Variants in RB1CC1 observed in about 807,000 individuals in gnomAD.
RB1CC1 encodes the protein RB1 inducible coiled-coil 1, also known as RB1-inducible coiled-coil protein 1.
In RB1CC1, 46 loss-of-function variants were observed where a neutral mutation model predicts 177.5. That is an observed-to-expected ratio of 0.26 (90% confidence interval 0.20 to 0.33). RB1CC1 has a LOEUF of 0.33. Among genes scored for constraint, RB1CC1 ranks in the 10% least tolerant of loss-of-function variants. The pLI is 1.00. For synonymous variants in RB1CC1, 666 were observed against 613.6 expected (o/e 1.09, Z -1.26); for missense variants, 1,703 against 1,816.3 (o/e 0.94, Z 1.13).
At chr8:52,679,264 T>C (rs1206040907) in intron 5 of RB1CC1, among the ~76,000 whole-genome samples, 1 of 152,154 alleles carries the variant, frequency 6.6e-6, no homozygotes, top group Non-Finnish European at 1.5e-5. Flanking sequence ...ACAGGGAAAT[T>C]TCTTGTAGGC....
At position 52,661,686 on chromosome 8, in the gene RB1CC1, A is replaced by G. The variant is rs1443918138; in HGVS notation, c.1207T>C (p.Leu403=). The change falls in exon 9 of 24, where the codon TTA becomes CTA. Residue 403 remains leucine, a synonymous_variant. Transcript: ENST00000025008. The stretch of plus-strand genomic sequence containing the variant: ...TCAGGTAATACAGATGCATCCTTTA[A>G]GTTTTCAGCTCTCTTCTGATTAGCT... ...FLANQKRAEN[L]KDASVLPDLC... 4 of 1,600,072 alleles carry G rather than the reference A, an allele frequency of 2.5e-6. No homozygotes were observed. The highest frequency in any genetic ancestry group is 2.3e-5 in the South Asian group (2 of 88,046).
chr8:52,659,610 T>A (rs564648424), intron 12 of RB1CC1, among the ~76,000 whole-genome samples: 64 of 152,234 alleles, frequency 4.2e-4, no homozygotes, highest in African/African-American at 1.5e-3. Context: ...CTCGGATAAA[T>A]AAGTATGGGA....
At chr8:52,688,479 G>A (rs767314493) in intron 1 of RB1CC1, among the ~76,000 whole-genome samples, 9 of 152,278 alleles carry the variant, frequency 5.9e-5, no homozygotes, top group Admixed American at 2.0e-4. Flanking sequence ...GGCTTACTAC[G>A]GTGGTGGGGA....
chr8:52,642,910 G>C, intron 16 of RB1CC1, 98 bp from the exon 17 acceptor site: 1 of 1,258,736 alleles, frequency 7.9e-7, no homozygotes, highest in Non-Finnish European at 1.0e-6. Context: ...TGGCACATTT[G>C]TACATGGAGA....
chr8:52,656,195 G>A lies in RB1CC1; in HGVS notation c.3634C>T (p.Leu1212Phe). ...EEKYEAIIQN[L>F]EKDRQKLVSS... ...ACCAATTTTTGTCTGTCTTTCTCAA[G>A]GTTCTGGATAATAGCTTCGTATTTC... The change falls in exon 15 of 24, where the codon CTT becomes TTT. Residue 1212 changes from leucine to phenylalanine, a missense_variant. Around this residue, in one of 6 missense-constraint regions of RB1CC1, gnomAD observed 1,169 missense variants for 1,184.7 expected, o/e 0.99. Coordinates refer to ENST00000025008, the MANE Select transcript of RB1CC1 (RefSeq NM_014781.5). 6.2e-7 allele frequency: 1 copy of A among 1,613,552 alleles called. No homozygotes were observed. The highest frequency in any genetic ancestry group is 8.5e-7 in the Non-Finnish European group (1 of 1,179,820).
At chr8:52,669,438 C>T (rs578216294) in intron 7 of RB1CC1, among the ~76,000 whole-genome samples, 4 of 152,188 alleles carry the variant, frequency 2.6e-5, no homozygotes, top group African/African-American at 7.2e-5. Flanking sequence ...TCTCTACAGT[C>T]GGAAAAAACT....
intron 18 of RB1CC1, among the ~76,000 whole-genome samples, chr8:52,640,285 C>T (rs1178215510): frequency 6.6e-6 from 1 of 152,044 alleles, no homozygotes; most frequent in Non-Finnish European, 1.5e-5. Context: ...GGTTGGTCAA[C>T]GGGTACAAAG....
At position 52,661,548 on chromosome 8, in the gene RB1CC1, G is replaced by A. The variant is rs1437962137; in HGVS notation, c.1345C>T (p.His449Tyr). The change falls in exon 9 of 24, where the codon CAT (histidine) becomes TAT (tyrosine). Residue 449 changes from histidine to tyrosine, a missense_variant. His to Tyr is a moderately conservative substitution (Grantham distance 83). Coordinates refer to ENST00000025008, the MANE Select transcript of RB1CC1 (RefSeq NM_014781.5). The stretch of plus-strand genomic sequence containing the variant: ...TGAATCACTTACTTCAGTCTGACAT[G>A]TAGGTTATTTGCTAGTTCTTGTTTG... ...TAKQELANNL[H>Y]VRLKWCCFVM... The A allele has an allele frequency of 6.2e-7, 1 of 1,604,578 alleles. No individual in the cohort carries two copies. Among genetic ancestry groups the A allele is most frequent in the Admixed American group, 1.7e-5 (1 of 58,250 alleles).
intron 1 of RB1CC1, among the ~76,000 whole-genome samples, chr8:52,708,420 G>C (rs1267556619): frequency 6.6e-6 from 1 of 152,170 alleles, no homozygotes. Context: ...GGGAGGCTGA[G>C]GTGGGAGAAT....
At chr8:52,652,008 A>T (rs965851761) in intron 15 of RB1CC1, among the ~76,000 whole-genome samples, 1 of 152,224 alleles carries the variant, frequency 6.6e-6, no homozygotes, top group Admixed American at 6.5e-5. Flanking sequence ...GAATATCGAC[A>T]ATCATCTGAA....
chr8:52,693,517 A>G (rs745522221), intron 1 of RB1CC1, among the ~76,000 whole-genome samples: 14 of 152,268 alleles, frequency 9.2e-5, no homozygotes, highest in Non-Finnish European at 1.9e-4. Context: ...CCATAATGAT[A>G]TATCATCTTA....
chr8:52,704,469 A>C (rs530845924), intron 1 of RB1CC1, among the ~76,000 whole-genome samples: 3 of 119,064 alleles, frequency 2.5e-5, no homozygotes, highest in African/African-American at 5.8e-5. Flanking sequence ...AAAAAAAAAA[A>C]AAAAACACAA....
At chr8:52,639,124 TTGAG>T (rs142881436) in intron 18 of RB1CC1, among the ~76,000 whole-genome samples, 3,661 of 152,230 alleles carry the variant, frequency 0.024, 164 homozygotes, top group African/African-American at 0.083. Flanking sequence ...AGAATTTTAA[TTGAG>T]TAATAGATTA....
At chr8:52,629,847 C>G (rs1365747733) in intron 21 of RB1CC1, among the ~76,000 whole-genome samples, 1 of 152,114 alleles carries the variant, frequency 6.6e-6, no homozygotes, top group East Asian at 1.9e-4. Context: ...ATTTGTCCCA[C>G]CTTTCTGGAC....
At position 52,624,065 on chromosome 8, in the gene RB1CC1, A is replaced by G. The variant is rs563478477; in HGVS notation, c.4708-206T>C. Among the ~76,000 whole-genome samples the G allele has an allele frequency of 1.2e-3, 177 of 151,978 alleles. 1 individual carries two copies. Among genetic ancestry groups the G allele is most frequent in the Non-Finnish European group, 3.4e-4 (23 of 67,804 alleles). ...GTCTTTATCAAACTATGTAAGATCT[A>G]CCCCTCACGAACAGGGAATATATTG... On this transcript the variant is annotated intron_variant, in intron 23 of 23. Coordinates refer to ENST00000025008, the MANE Select transcript of RB1CC1 (RefSeq NM_014781.5).
At chr8:52,681,556 A>G (rs1330065124) in intron 5 of RB1CC1, among the ~76,000 whole-genome samples, 1 of 152,154 alleles carries the variant, frequency 6.6e-6, no homozygotes, top group Non-Finnish European at 1.5e-5. Context: ...GACCTATGTT[A>G]CTGTTTTGGT....
chr8:52,660,445 T>C, intron 12 of RB1CC1, 151 bp downstream of exon 12: 2 of 698,400 alleles, frequency 2.9e-6, no homozygotes, highest in Admixed American at 3.2e-5. Flanking sequence ...TAAAGCTTTA[T>C]GCTAACTGGC....
intron 15 of RB1CC1, among the ~76,000 whole-genome samples, chr8:52,652,459 CAAAAAAAA>C (rs35615959): frequency 1.1e-5 from 1 of 92,688 alleles, no homozygotes. Context: ...GACTCTGTCT[CAAAAAAAA>C]AAAAAAAAAA....
chr8:52,683,261 C>T (rs542373532), intron 5 of RB1CC1, among the ~76,000 whole-genome samples: 174 of 152,160 alleles, frequency 1.1e-3, no homozygotes, highest in Non-Finnish European at 2.1e-3. Context: ...TAACGTAGGT[C>T]CTTTATTAAT....
Sources: allele counts gnomAD v4.1 joint callset (sites outside exome capture counted in the v4.1 genomes callset), GRCh38; gene constraint gnomAD v4.1.1; regional missense constraint gnomAD v4.1.1; transcripts MANE v1.5; gene names NCBI Gene and HGNC (gene_info 2026-07-23, HGNC 2026-07-21).